RPL14: variants seen among roughly 807,000 people sequenced by gnomAD.
RPL14 encodes the protein ribosomal protein L14.
A neutral mutation model predicts 25.3 loss-of-function variants in RPL14; 4 were observed. The ratio of observed to expected loss-of-function variants is 0.16; its 90% CI spans 0.08 to 0.36. RPL14 has a LOEUF of 0.36. RPL14 is among the 10% of genes least tolerant of loss of function. The probability of loss-of-function intolerance (pLI) is 1.00; values close to 1 mark genes in which losing one functional copy is unlikely to be tolerated. For synonymous variants in RPL14, 75 were observed against 89.8 expected (o/e 0.84, Z 0.93); for missense variants, 212 against 261.9 (o/e 0.81, Z 1.31).
In RPL14 at chr3:40,462,795, C is replaced by G. The variant is rs1215757000; in HGVS notation, c.*563C>G. The stretch of plus-strand genomic sequence containing the variant: ...TGATAACTTAGAACACCAAGTGACA[C>G]AAGTGACATTTTTTTCTTATGGTCA... On this transcript the variant is annotated 3_prime_UTR_variant, in exon 6 of 6. Coordinates refer to ENST00000396203, the MANE Select transcript of RPL14 (RefSeq NM_001034996.3). 6.6e-6 allele frequency: 1 copy of G among 152,248 alleles called. No individual in the cohort carries two copies. The highest frequency in any genetic ancestry group is 1.5e-5 in the Non-Finnish European group (1 of 68,080). 9.4% of individuals were successfully genotyped at this position (152,248 alleles called of 1,614,324 possible).
At chr3:40,458,098 C>A in intron 2 of RPL14, 107 bp downstream of exon 2, 4 of 926,906 alleles carry the variant, frequency 4.3e-6, no homozygotes, top group South Asian at 2.8e-5. Context: ...TATGGGTAGT[C>A]GCTTTATTTT....
At chr3:40,459,992 G>C (rs1227077360) in intron 3 of RPL14, among the ~76,000 whole-genome samples, 2 of 151,770 alleles carry the variant, frequency 1.3e-5, no homozygotes, top group Non-Finnish European at 2.9e-5. Context: ...AGTGAACATA[G>C]CCATGCTGCT....
chr3:40,457,661 C>G lies in RPL14; in HGVS notation c.3+187C>G, dbSNP rs754949310. The G allele has an allele frequency of 7.3e-5, 48 of 657,238 alleles. No homozygotes were observed. In the African/African-American group the frequency reaches 7.6e-4, roughly 10 times the overall value. 40.7% of individuals were successfully genotyped at this position (657,238 alleles called of 1,614,324 possible). Reference sequence around the variant, plus strand: ...CTCGTGGTCCGAGAGCCTTGTCCTGCCGTGTGGGCCTTGCGGACCTGGGAG... The same window carrying G: ...CTCGTGGTCCGAGAGCCTTGTCCTGGCGTGTGGGCCTTGCGGACCTGGGAG... On this transcript the variant is annotated intron_variant, in intron 1 of 5. Transcript: ENST00000396203.
Position 40,464,448 on chromosome 3 carries a change from C to G in RPL14, c.*2216C>G, listed in dbSNP as rs1439974382. The G allele has an allele frequency of 2.2e-6, 1 of 455,950 alleles. No homozygotes were observed. Among genetic ancestry groups the G allele is most frequent in the Admixed American group, 2.3e-5 (1 of 42,554 alleles). The allele number at this position is 455,950 out of a possible 1,614,324, so 28.2% of individuals were successfully genotyped here. A position where few individuals can be genotyped will look rare whatever the true frequency, so the allele number is the denominator to read the frequency against. Reference sequence around the variant, plus strand: ...GAGAATTGTCTAGAGAAAGTGGCATCTATACCTAAAATAAGAAGAAGGTGG... The same window carrying G: ...GAGAATTGTCTAGAGAAAGTGGCATGTATACCTAAAATAAGAAGAAGGTGG... On this transcript the variant is annotated 3_prime_UTR_variant, in exon 6 of 6. Coordinates refer to ENST00000396203, the MANE Select transcript of RPL14 (RefSeq NM_001034996.3).
rs1055405918 is a variant in RPL14, at chr3:40,458,791, A to G, written c.200+55A>G. 10 of 1,458,744 alleles carry G rather than the reference A, an allele frequency of 6.9e-6. No individual in the cohort carries two copies. In the African/African-American group the frequency reaches 8.3e-5, roughly 12 times the overall value. 90.4% of individuals were successfully genotyped at this position (1,458,744 alleles called of 1,614,324 possible). A position where few individuals can be genotyped will look rare whatever the true frequency, so the allele number is the denominator to read the frequency against. On this transcript the variant is annotated intron_variant, in intron 3 of 5. Transcript: ENST00000396203. ...CATCCCCAGATTTGTTTATGCTAGT[A>G]AAAGTTTGTTTTGGAGTAAACAATA...
rs768071319 is a variant in RPL14 at position 40,457,445 on chromosome 3, C to A, written c.-27C>A. The A allele has an allele frequency of 1.9e-6, 3 of 1,574,620 alleles. No homozygotes were observed. In the African/African-American group the frequency reaches 4.1e-5, roughly 22 times the overall value. ...TCCGCTGGGAAGCTGAGGCGCCAAA[C>A]GGCTCCCAGAGGGTCCCGGGAAGCG... is the stretch of plus-strand genomic sequence containing the variant. On this transcript the variant is annotated 5_prime_UTR_variant, in exon 1 of 6. Transcript: ENST00000396203.
chr3:40,457,856 G>A (rs746122496), intron 1 of RPL14, 34 bp from the exon 2 acceptor site: 1 of 1,574,004 alleles, frequency 6.4e-7, no homozygotes, highest in South Asian at 1.1e-5. Flanking sequence ...GTATTTCTAA[G>A]TAAGTTTCAC....
Position 40,457,463 on chromosome 3 carries a change from G to A in RPL14, c.-9G>A, listed in dbSNP as rs373130477. On this transcript the variant is annotated 5_prime_UTR_variant, in exon 1 of 6. Coordinates refer to ENST00000396203, the MANE Select transcript of RPL14 (RefSeq NM_001034996.3). ...CGCCAAACGGCTCCCAGAGGGTCCC[G>A]GGAAGCGCATGGTGAGGGTCCCCGG... The A allele has an allele frequency of 4.5e-6, 7 of 1,570,092 alleles. No homozygotes were observed. Among genetic ancestry groups the A allele is most frequent in the African/African-American group, 1.4e-5 (1 of 72,814 alleles).
At position 40,467,023 on chromosome 3, in the gene RPL14, AG is replaced by A. The variant is rs1258094945; in HGVS notation, c.*4792del. The A allele has an allele frequency of 3.3e-5, 5 of 152,188 alleles. No individual in the cohort carries two copies. The highest frequency in any genetic ancestry group is 7.3e-5 in the Non-Finnish European group (5 of 68,040). The allele number at this position is 152,188 out of a possible 1,614,324, so 9.4% of individuals were successfully genotyped here. On this transcript the variant is annotated 3_prime_UTR_variant, in exon 6 of 6. Transcript: ENST00000396203. The stretch of plus-strand genomic sequence containing the variant: ...ATTTAAATAAAATATTACAGTTGAA[AG>A]TAAAGGGTCCTTTCATTATCTCCAC...
chr3:40,461,904 C>T (rs757149159), intron 5 of RPL14, 35 bp from the exon 6 acceptor site: 93 of 1,566,432 alleles, frequency 5.9e-5, no homozygotes, highest in Non-Finnish European at 7.8e-5. Context: ...TGTATGTATA[C>T]ACAATAAGTG....
At position 40,457,941 on chromosome 3, in the gene RPL14, C is replaced by T. The variant is rs1243676252; in HGVS notation, c.55C>T (p.Pro19Ser). The change falls in exon 2 of 6, where the codon CCT (proline) becomes TCT (serine). Residue 19 changes from proline (P) to serine (S), a missense_variant. By Grantham distance (74) the Pro-to-Ser change is moderately conservative (BLOSUM62 -1). Coordinates refer to ENST00000396203, the MANE Select transcript of RPL14 (RefSeq NM_001034996.3). ...CCGGGTGGCCTATGTCTCCTTTGGACCTCATGCCGGAAAATTGGTCGCGAT... is the reference window on the plus strand; with the variant it reads ...CCGGGTGGCCTATGTCTCCTTTGGATCTCATGCCGGAAAATTGGTCGCGAT... ...VGRVAYVSFG[P>S]HAGKLVAIVD... is the part of the protein sequence containing the mutation. 1.9e-6 allele frequency: 3 copies of T among 1,614,026 alleles called. No individual in the cohort carries two copies. The highest frequency in any genetic ancestry group is 1.1e-5 in the South Asian group (1 of 91,090).
chr3:40,457,405 C>T lies in RPL14; in HGVS notation c.-67C>T, dbSNP rs778780149. 2.5e-6 allele frequency: 4 copies of T among 1,596,848 alleles called. No homozygotes were observed. Among genetic ancestry groups the T allele is most frequent in the African/African-American group, 1.4e-5 (1 of 73,322 alleles). ...CGGGCTCCGGGGCCGTCGACCATGC[C>T]GCTCGACCTCCACCTCCGCTGGGAA... On this transcript the variant is annotated 5_prime_UTR_variant, in exon 1 of 6. Transcript: ENST00000396203.
At position 40,463,116 on chromosome 3, in the gene RPL14, T is replaced by C. The variant is rs1382625473; in HGVS notation, c.*884T>C. 6.6e-6 allele frequency: 1 copy of C among 152,180 alleles called. No homozygotes were observed. Among genetic ancestry groups the C allele is most frequent in the East Asian group, 1.9e-4 (1 of 5,168 alleles). 9.4% of individuals were successfully genotyped at this position (152,180 alleles called of 1,614,324 possible). ...TTGTAGAGACTGGGTTTCACTATGT[T>C]GGCCAGGCTGGTTTTGAACTCCTGA... On this transcript the variant is annotated 3_prime_UTR_variant, in exon 6 of 6. Coordinates refer to ENST00000396203, the MANE Select transcript of RPL14 (RefSeq NM_001034996.3).
Position 40,461,629 on chromosome 3 carries a change from G to T in RPL14, c.322G>T (p.Asp108Tyr). The T allele has an allele frequency of 1.2e-6, 2 of 1,606,746 alleles. No individual in the cohort carries two copies. Among genetic ancestry groups the T allele is most frequent in the South Asian group, 2.2e-5 (2 of 89,058 alleles). The change falls in exon 5 of 6, where the codon GAT becomes TAT. Residue 108 changes from aspartate to tyrosine, a missense_variant. Around this residue, in one of 3 missense-constraint regions of RPL14, gnomAD observed 143 missense variants for 180.3 expected, o/e 0.79. Coordinates refer to ENST00000396203, the MANE Select transcript of RPL14 (RefSeq NM_001034996.3). ...RERKAKMTDF[D>Y]RFKVMKAKKM... is the part of the protein sequence containing the mutation. ...ACAGAAAGCCAAGATGACAGATTTTGATCGTTTTAAAGTTATGAAGGCAAA... is the reference window on the plus strand; with the variant it reads ...ACAGAAAGCCAAGATGACAGATTTTTATCGTTTTAAAGTTATGAAGGCAAA...
At position 40,462,167 on chromosome 3, in the gene RPL14, C is replaced by T. The variant is rs1801012; in HGVS notation, c.583C>T (p.Gln195Ter). The T allele has an allele frequency of 5.6e-6, 9 of 1,612,230 alleles. No homozygotes were observed. Among genetic ancestry groups the T allele is most frequent in the African/African-American group, 1.3e-5 (1 of 74,728 alleles). Residue 195 changes from glutamine to a stop codon, truncating the protein, a stop_gained, in exon 6 of 6, where the codon CAG (glutamine) becomes TAG (stop). Transcript: ENST00000396203. LOFTEE classifies it high-confidence loss of function. Reference sequence around the variant, plus strand: ...GAAAGCAGCGCCTGCTCCAAAAGCTCAGAAGGGTCAAAAAGCTCCAGCCCA... The same window carrying T: ...GAAAGCAGCGCCTGCTCCAAAAGCTTAGAAGGGTCAAAAAGCTCCAGCCCA... ...GQKAAPAPKA[Q>*]KGQKAPAQKA...
In RPL14 at chr3:40,457,442, A is replaced by G. The variant is rs4973904; in HGVS notation, c.-30A>G. The G allele has an allele frequency of 0.99, 1,565,402 of 1,577,976 alleles. 776,710 individuals carry two copies. The highest frequency in any genetic ancestry group is 1 in the East Asian group (42,368 of 42,368). On this transcript the variant is annotated 5_prime_UTR_variant, in exon 1 of 6. Transcript: ENST00000396203. Reference sequence around the variant, plus strand: ...ACCTCCGCTGGGAAGCTGAGGCGCCAAACGGCTCCCAGAGGGTCCCGGGAA... The same window carrying G: ...ACCTCCGCTGGGAAGCTGAGGCGCCGAACGGCTCCCAGAGGGTCCCGGGAA...
intron 2 of RPL14, chr3:40,458,390 A>G (rs1451870583): frequency 3.8e-6 from 2 of 533,264 alleles, no homozygotes; most frequent in Non-Finnish European, 6.7e-6. Flanking sequence ...TGTAAATTAC[A>G]TGTGGTTGGT....
intron 5 of RPL14, 132 bp from the exon 6 acceptor site, chr3:40,461,807 A>G (rs11707190): frequency 0.019 from 23,543 of 1,270,410 alleles, 265 homozygotes; most frequent in South Asian, 0.023. Context: ...TGATGTCCCT[A>G]TGGAATTGTT....
In RPL14 at chr3:40,457,486, C is replaced by T. The variant is rs746973895; in HGVS notation, c.3+12C>T. 7.8e-6 allele frequency: 12 copies of T among 1,541,724 alleles called. 1 individual carries two copies. The highest frequency in any genetic ancestry group is 3.5e-5 in the South Asian group (3 of 84,858). ...CCGGGAAGCGCATGGTGAGGGTCCCCGGGCCGGCTGTGCAGCGGAATCGGG... is the reference window on the plus strand; with the variant it reads ...CCGGGAAGCGCATGGTGAGGGTCCCTGGGCCGGCTGTGCAGCGGAATCGGG... On this transcript the variant is annotated intron_variant, in intron 1 of 5. Transcript: ENST00000396203.
Sources: allele counts gnomAD v4.1 joint callset (sites outside exome capture counted in the v4.1 genomes callset), GRCh38; gene constraint gnomAD v4.1.1; regional missense constraint gnomAD v4.1.1; transcripts MANE v1.5; gene names NCBI Gene and HGNC (gene_info 2026-07-23, HGNC 2026-07-21).